KIF13A: variants seen among roughly 807,000 people sequenced by gnomAD.
KIF13A encodes the protein kinesin-like protein KIF13A.
Under a neutral mutation model 212.2 loss-of-function variants are expected in KIF13A, and 79 were observed. The observed-to-expected ratio is 0.37, with a 90% CI of 0.31 to 0.45. The LOEUF (loss-of-function observed/expected upper bound fraction) is 0.45, where lower values mean the gene tolerates loss of function less well. Among genes scored for constraint, KIF13A ranks in the 20% least tolerant of loss-of-function variants. The pLI is 1.00. For synonymous variants in KIF13A, 789 were observed against 808.6 expected, an observed-to-expected ratio of 0.98 and a Z score of 0.41; for missense variants, 1,901 against 2,209.0, an observed-to-expected ratio of 0.86 and a Z score of 2.79.
At chr6:17,970,207 C>A (rs1779690640) in intron 2 of KIF13A, among the ~76,000 whole-genome samples, 1 of 152,086 alleles carries the variant, frequency 6.6e-6, no homozygotes, top group Admixed American at 6.5e-5. Context: ...CAGGCGTGAG[C>A]CACCGCGCCC....
At chr6:17,979,122 A>C (rs947323842) in intron 2 of KIF13A, among the ~76,000 whole-genome samples, 4 of 152,166 alleles carry the variant, frequency 2.6e-5, no homozygotes, top group Admixed American at 2.6e-4. Context: ...GCGAAACCCC[A>C]TGCCTACTAA....
intron 2 of KIF13A, among the ~76,000 whole-genome samples, chr6:17,946,428 T>A: frequency 6.7e-6 from 1 of 149,226 alleles, no homozygotes; most frequent in Non-Finnish European, 1.5e-5. Context: ...CACCAAGGAA[T>A]CAATTTTAAA....
At chr6:17,933,281 T>C (rs910017847) in intron 2 of KIF13A, among the ~76,000 whole-genome samples, 7 of 152,078 alleles carry the variant, frequency 4.6e-5, no homozygotes, top group Non-Finnish European at 1.5e-5. Context: ...AAAGAGTGCA[T>C]ACCAACTGCA....
chr6:17,902,463 C>A (rs1773134773), intron 2 of KIF13A, among the ~76,000 whole-genome samples: 1 of 152,160 alleles, frequency 6.6e-6, no homozygotes, highest in South Asian at 2.1e-4. Context: ...GATAGTAGTT[C>A]TATTTTTGTA....
intron 2 of KIF13A, among the ~76,000 whole-genome samples, chr6:17,959,111 CATT>C (rs1190922800): frequency 6.6e-6 from 1 of 151,786 alleles, no homozygotes; most frequent in East Asian, 1.9e-4. Context: ...CAGGCTGTGT[CATT>C]TATCTCTAAA....
rs1376537074 is a variant in KIF13A at position 17,785,358 on chromosome 6, A to G, written c.3488+157T>C. ...AAGTTGGCTTCGGTGGGGAAGGAAA[A>G]AAAGGGATGGAAGCATTAGAGATGA... On this transcript the variant is annotated intron_variant, in intron 28 of 38. Coordinates refer to ENST00000259711, the MANE Select transcript of KIF13A (RefSeq NM_022113.6). The surrounding 1 kb of genome is among the most constrained non-coding windows in gnomAD (Gnocchi z 5.8). 1.3e-5 allele frequency among the ~76,000 whole-genome samples: 2 copies of G among 152,162 alleles called. No homozygotes were observed. The highest frequency in any genetic ancestry group is 6.5e-5 in the Admixed American group (1 of 15,274).
intron 3 of KIF13A, chr6:17,882,227 C>T (rs780671161): frequency 2.7e-6 from 1 of 364,328 alleles, no homozygotes; most frequent in Non-Finnish European, 5.5e-6. Flanking sequence ...TAAACTAACA[C>T]CCACTTGTTA....
chr6:17,907,541 A>G (rs1773622873), intron 2 of KIF13A, among the ~76,000 whole-genome samples: 2 of 152,040 alleles, frequency 1.3e-5, no homozygotes, highest in Non-Finnish European at 2.9e-5. Context: ...CCAAGAAGGA[A>G]AGGCATTTAT....
chr6:17,875,140 T>A (rs1770431637), intron 3 of KIF13A, among the ~76,000 whole-genome samples: 1 of 152,058 alleles, frequency 6.6e-6, no homozygotes, highest in Admixed American at 6.6e-5. Context: ...TTTCGTATAA[T>A]GACTTATTTT....
chr6:17,760,589 C>T (rs1203251278), downstream of KIF13A: 2 of 556,118 alleles, frequency 3.6e-6, no homozygotes, highest in Non-Finnish European at 6.4e-6. Context: ...AAAAAAAATA[C>T]TGTCACTTAG....
intron 4 of KIF13A, among the ~76,000 whole-genome samples, chr6:17,865,614 T>C (rs181898298): frequency 1.3e-5 from 2 of 152,350 alleles, no homozygotes; most frequent in East Asian, 1.9e-4. Context: ...CTTTCAAAAA[T>C]TCTCATATGT....
At chr6:17,929,059 C>CAAAAAAAA (rs375511285) in intron 2 of KIF13A, among the ~76,000 whole-genome samples, 6 of 36,690 alleles carry the variant, frequency 1.6e-4, no homozygotes, top group African/African-American at 4.5e-4. Context: ...AAGAATTTCT[C>CAAAAAAAA]AAAAAAAAAA....
At chr6:17,868,470 T>G (rs1490012656) in intron 4 of KIF13A, among the ~76,000 whole-genome samples, 2 of 152,120 alleles carry the variant, frequency 1.3e-5, no homozygotes, top group Non-Finnish European at 2.9e-5. Flanking sequence ...TACATCTGCA[T>G]GTATATATGA....
In KIF13A at chr6:17,985,067, T is replaced by C. The variant is rs539225069; in HGVS notation, c.146+1987A>G. Among the ~76,000 whole-genome samples the C allele has an allele frequency of 8.5e-5, 13 of 152,324 alleles. No homozygotes were observed. In the East Asian group the frequency reaches 2.1e-3, roughly 25 times the overall value. On this transcript the variant is annotated intron_variant, in intron 2 of 38. Transcript: ENST00000259711. The stretch of plus-strand genomic sequence containing the variant: ...ATCTGTGCAAAGACAGTAATCCTAA[T>C]GTACAAGGAGCACTGTTTTGTTGAC...
intron 4 of KIF13A, among the ~76,000 whole-genome samples, chr6:17,869,944 T>A (rs1769848152): frequency 6.6e-6 from 1 of 152,134 alleles, no homozygotes; most frequent in African/African-American, 2.4e-5. Context: ...CTTCTCCACT[T>A]CCCCTGTTTT....
intron 31 of KIF13A, among the ~76,000 whole-genome samples, chr6:17,780,209 G>A (rs1197608243): frequency 6.6e-6 from 1 of 152,210 alleles, no homozygotes; most frequent in African/African-American, 2.4e-5. Flanking sequence ...TACAGAATCT[G>A]CAGCATGTTC....
chr6:17,967,845 T>A lies in KIF13A; in HGVS notation c.146+19209A>T, dbSNP rs899559721. Among the ~76,000 whole-genome samples the A allele has an allele frequency of 2.6e-5, 4 of 152,210 alleles. No homozygotes were observed. Among genetic ancestry groups the A allele is most frequent in the Non-Finnish European group, 5.9e-5 (4 of 68,044 alleles). Reference sequence around the variant, plus strand: ...CATCACAAGTAACTTGTTAATAAGGTGCTCATTAAGTAAGTCTGTAAAAGC... The same window carrying A: ...CATCACAAGTAACTTGTTAATAAGGAGCTCATTAAGTAAGTCTGTAAAAGC... On this transcript the variant is annotated intron_variant, in intron 2 of 38. Transcript: ENST00000259711. This position sits in a 1 kb window ranked among gnomAD's most constrained non-coding sequence, Gnocchi z 4.1.
Position 17,785,750 on chromosome 6 carries a change from C to CAA in KIF13A, c.3362-111_3362-110dup, listed in dbSNP as rs10686772. The CAA allele has an allele frequency of 0.17, 144,490 of 849,074 alleles. 3,949 individuals carry two copies. Among genetic ancestry groups the CAA allele is most frequent in the South Asian group, 0.25 (13,646 of 53,906 alleles). 52.6% of individuals were successfully genotyped at this position (849,074 alleles called of 1,614,324 possible). ...CAACATAGTGAGACCCCATCTCTAC[C>CAA]AAAAAAAAAAAAATAGTTGGGCAGG... is the stretch of plus-strand genomic sequence containing the variant. On this transcript the variant is annotated intron_variant, in intron 27 of 38. Coordinates refer to ENST00000259711, the MANE Select transcript of KIF13A (RefSeq NM_022113.6). This position sits in a 1 kb window ranked among gnomAD's most constrained non-coding sequence, Gnocchi z 5.8.
chr6:17,835,652 T>C (rs1439886025), intron 11 of KIF13A, among the ~76,000 whole-genome samples: 1 of 152,160 alleles, frequency 6.6e-6, no homozygotes, highest in Non-Finnish European at 1.5e-5. Context: ...TCTTGTACTT[T>C]AAGAGCCACA....
Sources: gnomAD v4.1 joint callset for allele counts (sites outside exome capture counted in the v4.1 genomes callset) on GRCh38, gnomAD v4.1.1 for gene constraint, Gnocchi (gnomAD v3.1) non-coding constraint, MANE v1.5 for transcripts, NCBI Gene and HGNC (gene_info 2026-07-23, HGNC 2026-07-21) for gene names.